The following CACNB4 variants were observed in gnomAD, a reference collection of about 807,000 sequenced individuals.
CACNB4 encodes calcium voltage-gated channel auxiliary subunit beta 4.
Under a neutral mutation model 71.2 loss-of-function variants are expected in CACNB4, and 32 were observed. That is an observed-to-expected ratio of 0.45 (90% CI 0.34 to 0.60). CACNB4 has a LOEUF of 0.60. Among genes scored for constraint, CACNB4 ranks in the 20% least tolerant of loss-of-function variants. The probability of loss-of-function intolerance (pLI) is 0.01; values close to 1 mark genes in which losing one functional copy is unlikely to be tolerated. For synonymous variants in CACNB4, 231 were observed against 236.9 expected, an observed-to-expected ratio of 0.97 and a Z score of 0.23; for missense variants, 464 against 647.9, an observed-to-expected ratio of 0.72 and a Z score of 3.08.
intron 2 of CACNB4, among the ~76,000 whole-genome samples, chr2:152,093,641 G>A (rs575176219): frequency 3.9e-5 from 6 of 152,204 alleles, no homozygotes; most frequent in East Asian, 1.9e-4. Flanking sequence ...CATATTATCC[G>A]GGAGCTCAAG....
chr2:151,862,742 C>T (rs1299266953), intron 9 of CACNB4, among the ~76,000 whole-genome samples: 2 of 152,206 alleles, frequency 1.3e-5, no homozygotes, highest in Admixed American at 6.5e-5. Flanking sequence ...GAGACACACA[C>T]AGAAAGCTGC....
At chr2:151,921,178 TAAA>T (rs1446550599) in intron 2 of CACNB4, among the ~76,000 whole-genome samples, 279 of 39,036 alleles carry the variant, frequency 7.1e-3, no homozygotes, top group South Asian at 0.036. Context: ...AATAAATAAA[TAAA>T]TAAGTTAAAA....
chr2:152,085,229 G>A (rs76633068), intron 2 of CACNB4, among the ~76,000 whole-genome samples: 2 of 152,006 alleles, frequency 1.3e-5, no homozygotes. Context: ...CAGAGGGGAG[G>A]GAAGGGGAAC....
At chr2:151,865,789 T>A (rs2099842942) in intron 9 of CACNB4, 1 of 151,934 alleles carries the variant, frequency 6.6e-6, no homozygotes, top group Non-Finnish European at 1.5e-5. Flanking sequence ...TCTTTCTTTT[T>A]TTTTTTTTTT....
rs1256560704 is a variant in CACNB4, at chr2:151,904,742, C to T, written c.148-21372G>A. On this transcript the variant is annotated intron_variant, in intron 2 of 13. Transcript: ENST00000539935. ...TAGAGACGGGGTTTCACCATGTTGG[C>T]CAGGCTGGTCTCAAACTCCTGACCT... Among the ~76,000 whole-genome samples, 4 of 152,230 alleles carry T rather than the reference C, an allele frequency of 2.6e-5. No individual in the cohort carries two copies. The South Asian group carries it at 6.2e-4, about 24-fold the overall frequency.
intron 2 of CACNB4, among the ~76,000 whole-genome samples, chr2:152,040,867 G>A (rs1684837350): frequency 6.6e-6 from 1 of 152,146 alleles, no homozygotes; most frequent in Non-Finnish European, 1.5e-5. Flanking sequence ...ATTAACCCCT[G>A]GCTGATATTT....
chr2:152,073,552 T>C lies in CACNB4; in HGVS notation c.147+24778A>G, dbSNP rs115702652. 7.0e-3 allele frequency among the ~76,000 whole-genome samples: 1,071 copies of C among 152,228 alleles called. 13 individuals are homozygous for C. The highest frequency in any genetic ancestry group is 0.024 in the African/African-American group (998 of 41,534). ...AGCATAAGAATGGGATGATTATGAA[T>C]TGGAACAAGCAGAGATTGCTAAGTA... is the stretch of plus-strand genomic sequence containing the variant. On this transcript the variant is annotated intron_variant, in intron 2 of 13. Coordinates refer to ENST00000539935, the MANE Select transcript of CACNB4 (RefSeq NM_000726.5).
At chr2:151,999,519 C>T (rs774312151) in intron 2 of CACNB4, among the ~76,000 whole-genome samples, 4 of 152,170 alleles carry the variant, frequency 2.6e-5, no homozygotes, top group Admixed American at 2.6e-4. Flanking sequence ...CCCCAGTCCA[C>T]TCCTTTACCT....
At chr2:152,049,584 T>C (rs1685313705) in intron 2 of CACNB4, among the ~76,000 whole-genome samples, 1 of 152,218 alleles carries the variant, frequency 6.6e-6, no homozygotes, top group Non-Finnish European at 1.5e-5. Context: ...TCTTTCCTTC[T>C]TTCCTTTTTT....
At chr2:152,085,862 C>T (rs1687635385) in intron 2 of CACNB4, among the ~76,000 whole-genome samples, 1 of 149,052 alleles carries the variant, frequency 6.7e-6, no homozygotes, top group Admixed American at 6.7e-5. Context: ...GTACTGAATG[C>T]TACTGCACCT....
At chr2:151,921,702 CCA>C (rs1323244733) in intron 2 of CACNB4, among the ~76,000 whole-genome samples, 1 of 152,052 alleles carries the variant, frequency 6.6e-6, no homozygotes, top group Non-Finnish European at 1.5e-5. Flanking sequence ...ATTGTTATTC[CCA>C]GTGTTGGGGG....
At chr2:152,055,721 AT>A (rs1397374128) in intron 2 of CACNB4, among the ~76,000 whole-genome samples, 2 of 152,154 alleles carry the variant, frequency 1.3e-5, no homozygotes, top group Non-Finnish European at 1.5e-5. Context: ...TTGAAGGCTG[AT>A]TTCCCCCCTG....
intron 2 of CACNB4, among the ~76,000 whole-genome samples, chr2:151,914,647 G>GT (rs1409616371): frequency 2.0e-5 from 3 of 152,268 alleles, no homozygotes; most frequent in Non-Finnish European, 4.4e-5. Context: ...CCTTGGATGG[G>GT]TTTTTTGTGG....
rs1161572352 is a variant in CACNB4, at chr2:151,911,911, C to G, written c.148-28541G>C. 3.3e-5 allele frequency among the ~76,000 whole-genome samples: 5 copies of G among 152,068 alleles called. No homozygotes were observed. The East Asian group carries it at 9.6e-4, about 29-fold the overall frequency. Reference sequence around the variant, plus strand: ...TTTAATCTCGGTAGGGTGTATGTGTCCAGGAATTCATCCATTTCTTCTAGA... The same window carrying G: ...TTTAATCTCGGTAGGGTGTATGTGTGCAGGAATTCATCCATTTCTTCTAGA... On this transcript the variant is annotated intron_variant, in intron 2 of 13. Coordinates refer to ENST00000539935, the MANE Select transcript of CACNB4 (RefSeq NM_000726.5).
intron 2 of CACNB4, among the ~76,000 whole-genome samples, chr2:152,011,132 C>A (rs1398651421): frequency 4.6e-5 from 7 of 152,174 alleles, no homozygotes; most frequent in African/African-American, 1.7e-4. Context: ...GTCACTGTCT[C>A]ATGAGGTAGC....
intron 2 of CACNB4, among the ~76,000 whole-genome samples, chr2:151,930,728 G>A (rs2099861434): frequency 6.6e-6 from 1 of 152,040 alleles, no homozygotes. Context: ...AAAAGTTCCA[G>A]AACACTCTAT....
At chr2:151,980,589 C>T (rs62176799) in intron 2 of CACNB4, among the ~76,000 whole-genome samples, 3,376 of 152,320 alleles carry the variant, frequency 0.022, 44 homozygotes, top group Middle Eastern at 0.031. Flanking sequence ...TCCACAAATA[C>T]GTGAATAGTT....
At chr2:151,990,267 T>C (rs755706467) in intron 2 of CACNB4, among the ~76,000 whole-genome samples, 1 of 152,242 alleles carries the variant, frequency 6.6e-6, no homozygotes, top group Non-Finnish European at 1.5e-5. Flanking sequence ...TATCAAATTC[T>C]TGCACTTCTT....
At chr2:151,973,614 A>C in intron 2 of CACNB4, 2 of 1,480,838 alleles carry the variant, frequency 1.4e-6, no homozygotes, top group Non-Finnish European at 1.9e-6. Flanking sequence ...TGGAGGGGAT[A>C]GTGGGAGGAG....
Sources: allele counts gnomAD v4.1 joint callset (sites outside exome capture counted in the v4.1 genomes callset), GRCh38; gene constraint gnomAD v4.1.1; transcripts MANE v1.5; gene names NCBI Gene and HGNC (gene_info 2026-07-23, HGNC 2026-07-21).